The following SIL1 variants were observed in gnomAD, a reference collection of about 807,000 sequenced individuals.
The protein encoded by SIL1 is SIL1 nucleotide exchange factor, also known as nucleotide exchange factor SIL1.
A neutral mutation model predicts 49.1 loss-of-function variants in SIL1; 40 were observed. That is an observed-to-expected ratio of 0.81 (90% CI 0.63 to 1.06). SIL1 has a LOEUF of 1.06. Ranked by LOEUF, SIL1 falls within the 50% of genes least tolerant of loss-of-function variation. The pLI is 0.00. For synonymous variants in SIL1, 253 were observed against 250.8 expected, an observed-to-expected ratio of 1.01 and a Z score of -0.08; for missense variants, 500 against 572.6, an observed-to-expected ratio of 0.87 and a Z score of 1.29.
intron 3 of SIL1, among the ~76,000 whole-genome samples, chr5:139,051,584 A>G (rs925182033): frequency 6.6e-6 from 1 of 152,174 alleles, no homozygotes; most frequent in African/African-American, 2.4e-5. Context: ...CAGGGACTGT[A>G]TTTCCTCCTT....
chr5:139,096,982 C>A (rs1770480517), intron 3 of SIL1, among the ~76,000 whole-genome samples: 1 of 152,010 alleles, frequency 6.6e-6, no homozygotes, highest in African/African-American at 2.4e-5. Context: ...GAGTCCCAGG[C>A]CAGGCAGCAT....
At position 139,021,128 on chromosome 5, in the gene SIL1, GCCAAGCAATTCTGGCCATTGGGACGT is replaced by G; in HGVS notation, c.767+17_767+42del. 6.2e-7 allele frequency: 1 copy of G among 1,613,892 alleles called. No homozygotes were observed. The highest frequency in any genetic ancestry group is 2.2e-5 in the East Asian group (1 of 44,886). On this transcript the variant is annotated intron_variant, in intron 7 of 9. Coordinates refer to ENST00000394817, the MANE Select transcript of SIL1 (RefSeq NM_022464.5). ...TGTACCCTTCTTCCAAGCAGATCAG[GCCAAGCAATTCTGGCCATTGGGACGT>G]CCATTATACTGCTCACCTGGAAAAG...
intron 7 of SIL1, among the ~76,000 whole-genome samples, chr5:138,985,699 C>G (rs1214473992): frequency 6.6e-6 from 1 of 152,172 alleles, no homozygotes; most frequent in East Asian, 1.9e-4. Context: ...ACTGTCGACC[C>G]AAGACTGTAT....
At chr5:139,079,220 C>T (rs969674991) in intron 3 of SIL1, among the ~76,000 whole-genome samples, 41 of 152,198 alleles carry the variant, frequency 2.7e-4, no homozygotes, top group African/African-American at 8.9e-4. Context: ...GGAATCCTGG[C>T]GCCTTGCAGC....
intron 1 of SIL1, among the ~76,000 whole-genome samples, chr5:139,149,288 A>G (rs1437444307): frequency 6.6e-6 from 1 of 152,220 alleles, no homozygotes; most frequent in African/African-American, 2.4e-5. Context: ...CCCATACAGG[A>G]CAGCTACCAA....
chr5:139,079,975 T>C (rs1041348360), intron 3 of SIL1, among the ~76,000 whole-genome samples: 1 of 152,150 alleles, frequency 6.6e-6, no homozygotes, highest in Non-Finnish European at 1.5e-5. Context: ...ACAGCTATCA[T>C]CTCTCAGCAA....
rs911235402 is a variant in SIL1 at position 139,132,323 on chromosome 5, C to T, written c.-10-4470G>A. Among the ~76,000 whole-genome samples the T allele has an allele frequency of 2.0e-5, 3 of 152,046 alleles. No homozygotes were observed. The East Asian group carries it at 5.8e-4, about 29-fold the overall frequency. On this transcript the variant is annotated intron_variant, in intron 1 of 9. Coordinates refer to ENST00000394817, the MANE Select transcript of SIL1 (RefSeq NM_022464.5). ...TGGAGGGTGAGAGAAATGGTAGCTC[C>T]CACAGGGCTCCCAGCCATCTCTGTC...
intron 3 of SIL1, among the ~76,000 whole-genome samples, chr5:139,058,722 TC>T (rs1769514849): frequency 6.6e-6 from 1 of 152,228 alleles, no homozygotes; most frequent in South Asian, 2.1e-4. Flanking sequence ...ACCATCATTT[TC>T]TTTTTAAAAG....
intron 7 of SIL1, among the ~76,000 whole-genome samples, chr5:138,994,689 G>A (rs541118865): frequency 8.5e-5 from 13 of 152,240 alleles, no homozygotes; most frequent in South Asian, 8.3e-4. Context: ...TTGGGGATAC[G>A]TGTAATAAAT....
At chr5:139,124,714 G>A (rs1465071437) in intron 2 of SIL1, among the ~76,000 whole-genome samples, 1 of 152,226 alleles carries the variant, frequency 6.6e-6, no homozygotes, top group Non-Finnish European at 1.5e-5. Context: ...AAGAGGATGA[G>A]GTTGTAATGA....
At chr5:139,179,528 CAGG>C (rs1274791507) in intron 1 of SIL1, among the ~76,000 whole-genome samples, 1 of 152,136 alleles carries the variant, frequency 6.6e-6, no homozygotes, top group East Asian at 1.9e-4. Context: ...TCTACAGAAG[CAGG>C]AGGATCTTCT....
At chr5:139,022,728 G>A (rs1036379833) in intron 6 of SIL1, 2 of 152,224 alleles carry the variant, frequency 1.3e-5, no homozygotes, top group Non-Finnish European at 1.5e-5. Flanking sequence ...TGTGGCCCCA[G>A]GCCATGGACA....
chr5:138,963,037 G>A (rs1767056860), intron 7 of SIL1, among the ~76,000 whole-genome samples: 1 of 152,158 alleles, frequency 6.6e-6, no homozygotes, highest in African/African-American at 2.4e-5. Flanking sequence ...AAACATACGG[G>A]AGATTTTTCA....
At position 138,951,915 on chromosome 5, in the gene SIL1, C is replaced by A. The variant is rs191221829; in HGVS notation, c.768-31G>T. ...GAAGAAGCACAGGACAGCATGACTA[C>A]CCTGCCCAGCCCAGGGATCGGATGG... On this transcript the variant is annotated intron_variant, in intron 7 of 9. Transcript: ENST00000394817. 1.1e-5 allele frequency: 18 copies of A among 1,574,418 alleles called. No individual in the cohort carries two copies. The East Asian group carries it at 3.8e-4, about 33-fold the overall frequency.
chr5:139,015,915 G>A (rs1402171304), intron 7 of SIL1, among the ~76,000 whole-genome samples: 2 of 152,094 alleles, frequency 1.3e-5, no homozygotes, highest in Non-Finnish European at 2.9e-5. Flanking sequence ...CATTATCGAG[G>A]TTCCTTAGTA....
intron 7 of SIL1, among the ~76,000 whole-genome samples, chr5:138,978,569 T>C (rs565222361): frequency 4.7e-4 from 72 of 152,378 alleles, no homozygotes; most frequent in Admixed American, 1.2e-3. Context: ...TTGGAATTGC[T>C]GGATCACATG....
intron 3 of SIL1, among the ~76,000 whole-genome samples, chr5:139,055,483 A>G (rs563438301): frequency 7.2e-5 from 11 of 151,970 alleles, no homozygotes; most frequent in Non-Finnish European, 1.6e-4. Context: ...TGCTTATCAC[A>G]TGCATTGGCC....
At chr5:139,032,843 T>A (rs754409248) in intron 5 of SIL1, 1 of 152,204 alleles carries the variant, frequency 6.6e-6, no homozygotes, top group African/African-American at 2.4e-5. Context: ...TTTATATGCA[T>A]AGAGTTGTTC....
intron 5 of SIL1, among the ~76,000 whole-genome samples, chr5:139,028,747 T>C (rs1381950721): frequency 1.3e-5 from 2 of 152,188 alleles, no homozygotes; most frequent in African/African-American, 4.8e-5. Flanking sequence ...TTTCACCAGT[T>C]TTTACATATA....
Sources: gnomAD v4.1 joint callset for allele counts (sites outside exome capture counted in the v4.1 genomes callset) on GRCh38, gnomAD v4.1.1 for gene constraint, MANE v1.5 for transcripts, NCBI Gene and HGNC (gene_info 2026-07-23, HGNC 2026-07-21) for gene names.